The following RASEF variants were observed in gnomAD, a reference collection of about 807,000 sequenced individuals.
RASEF encodes ras and EF-hand domain-containing protein.
In RASEF, 68 loss-of-function variants were observed where a neutral mutation model predicts 90.1. The observed-to-expected ratio is 0.75, with a 90% CI of 0.62 to 0.92. The LOEUF is 0.92. Among genes scored for constraint, RASEF ranks in the 40% least tolerant of loss-of-function variants. RASEF has a pLI of 0.00. For synonymous variants in RASEF, 331 were observed against 345.2 expected, an observed-to-expected ratio of 0.96 and a Z score of 0.46; for missense variants, 949 against 937.2, an observed-to-expected ratio of 1.01 and a Z score of -0.16.
intron 1 of RASEF, among the ~76,000 whole-genome samples, chr9:83,040,710 G>C (rs1829823610): frequency 6.6e-6 from 1 of 152,124 alleles, no homozygotes; most frequent in Non-Finnish European, 1.5e-5. Context: ...ATTTAATTCT[G>C]AATTATTATT....
chr9:83,139,803 C>T, the RASEF span, among the ~76,000 whole-genome samples: 6 of 152,148 alleles, frequency 3.9e-5, no homozygotes, highest in African/African-American at 1.4e-4. Context: ...AACAACTTCT[C>T]TCTGAATATG....
In RASEF at chr9:83,001,141, A is replaced by AGG. The variant is rs1829031723; in HGVS notation, c.1203-13_1203-12dup. ...GAAGAGCGGGATGACCTGGTAATAA[A>AGG]GGGGAAGACCAATTTACCTGAGGGC... On this transcript the variant is annotated splice_polypyrimidine_tract_variant and intron_variant, in intron 9 of 16. Coordinates refer to ENST00000376447, the MANE Select transcript of RASEF (RefSeq NM_152573.4). 1.3e-6 allele frequency: 2 copies of AGG among 1,595,738 alleles called. No individual in the cohort carries two copies. The highest frequency in any genetic ancestry group is 1.7e-6 in the Non-Finnish European group (2 of 1,164,162).
intron 2 of RASEF, among the ~76,000 whole-genome samples, chr9:83,023,068 T>A (rs867448395): frequency 6.6e-6 from 1 of 152,152 alleles, no homozygotes; most frequent in South Asian, 2.1e-4. Flanking sequence ...TTCTGAATTT[T>A]TTTTTGCTCT....
At chr9:83,122,125 G>A in the RASEF span, among the ~76,000 whole-genome samples, 1 of 152,184 alleles carries the variant, frequency 6.6e-6, no homozygotes, top group Non-Finnish European at 1.5e-5. Flanking sequence ...GAGGTGCCTT[G>A]TGGCTCCTTG....
intron 2 of RASEF, among the ~76,000 whole-genome samples, chr9:83,024,371 T>A (rs1829500767): frequency 1.3e-5 from 2 of 152,190 alleles, no homozygotes; most frequent in Non-Finnish European, 1.5e-5. Flanking sequence ...TATCTTTAGA[T>A]GGGGGGCATG....
the RASEF span, among the ~76,000 whole-genome samples, chr9:83,202,934 AC>A: frequency 6.6e-6 from 1 of 152,226 alleles, no homozygotes; most frequent in African/African-American, 2.4e-5. Context: ...TATAATTTTT[AC>A]TTGTCAATTA....
the RASEF span, among the ~76,000 whole-genome samples, chr9:83,114,849 A>G: frequency 6.6e-6 from 1 of 152,176 alleles, no homozygotes; most frequent in African/African-American, 2.4e-5. Context: ...TTTAAATTTC[A>G]CCACGGTCCT....
At chr9:83,154,706 C>T in the RASEF span, among the ~76,000 whole-genome samples, 5 of 152,184 alleles carry the variant, frequency 3.3e-5, no homozygotes, top group East Asian at 9.6e-4. Flanking sequence ...GCTCACAATC[C>T]AATTTTTCTA....
At chr9:83,195,710 C>A in the RASEF span, among the ~76,000 whole-genome samples, 1 of 151,922 alleles carries the variant, frequency 6.6e-6, no homozygotes, top group Non-Finnish European at 1.5e-5. Context: ...TATAAAGAGG[C>A]AGGGCAGGTT....
chr9:83,018,652 G>A (rs1318269797), intron 3 of RASEF, among the ~76,000 whole-genome samples: 1 of 148,940 alleles, frequency 6.7e-6, no homozygotes, highest in African/African-American at 2.5e-5. Flanking sequence ...AAAGCACAAA[G>A]TTGAAGAAGA....
In RASEF at chr9:83,022,343, C is replaced by T. The variant is rs760664703; in HGVS notation, c.662G>A (p.Arg221Gln). ...GCCAACCCAGAAACTCACGTCTTTC[C>T]GTGTCTTATGTTCTGCAGCCTGAAT... is the stretch of plus-strand genomic sequence containing the variant. ...QRIQAAEHKT[R>Q]KDEKRKAEEA... Residue 221 changes from arginine (R) to glutamine (Q), a missense_variant, in exon 3 of 17, where the codon CGG (arginine) becomes CAG (glutamine). Physicochemically the swap from Arg to Gln is conservative, Grantham distance 43. Around this residue, in one of 3 missense-constraint regions of RASEF, gnomAD observed 656 missense variants for 592.2 expected, o/e 1.11. Coordinates refer to ENST00000376447, the MANE Select transcript of RASEF (RefSeq NM_152573.4). 22 of 1,613,218 alleles carry T rather than the reference C, an allele frequency of 1.4e-5. No homozygotes were observed. Among genetic ancestry groups the T allele is most frequent in the Non-Finnish European group, 1.8e-5 (21 of 1,179,448 alleles).
At chr9:83,186,947 G>A in the RASEF span, among the ~76,000 whole-genome samples, 1 of 151,972 alleles carries the variant, frequency 6.6e-6, no homozygotes, top group Non-Finnish European at 1.5e-5. Context: ...GCATGCCCAC[G>A]ATCTGCAAAC....
rs781377016 is a variant in RASEF, at chr9:82,985,379, G to A, written c.2118-2597C>T. Among the ~76,000 whole-genome samples the A allele has an allele frequency of 7.2e-5, 11 of 152,164 alleles. 1 individual carries two copies. Among genetic ancestry groups the A allele is most frequent in the Non-Finnish European group, 1.2e-4 (8 of 68,030 alleles). On this transcript the variant is annotated intron_variant, in intron 16 of 16. Coordinates refer to ENST00000376447, the MANE Select transcript of RASEF (RefSeq NM_152573.4). ...CTTATTCACTATCACGAGAATAGCA[G>A]AGGAAAGATCGGCCCCCATGACTCA...
chr9:82,983,318 T>C (rs1204609306), intron 16 of RASEF, among the ~76,000 whole-genome samples: 1 of 152,180 alleles, frequency 6.6e-6, no homozygotes, highest in Non-Finnish European at 1.5e-5. Flanking sequence ...TAATTATACA[T>C]GATCATGGAG....
At chr9:83,092,158 G>A in the RASEF span, among the ~76,000 whole-genome samples, 1 of 151,334 alleles carries the variant, frequency 6.6e-6, no homozygotes, top group African/African-American at 2.4e-5. Flanking sequence ...ATTTTTGAAG[G>A]TCCTTACTCT....
the RASEF span, among the ~76,000 whole-genome samples, chr9:83,212,186 A>G: frequency 0.079 from 12,103 of 152,274 alleles, 1,281 homozygotes; most frequent in African/African-American, 0.25. Context: ...CTTTGAAAAC[A>G]GAAGACAGAT....
the RASEF span, among the ~76,000 whole-genome samples, chr9:83,161,548 G>A: frequency 1.3e-5 from 2 of 152,006 alleles, no homozygotes; most frequent in African/African-American, 4.8e-5. Context: ...TAGGTGGAAG[G>A]GACTTTCCTT....
the RASEF span, among the ~76,000 whole-genome samples, chr9:83,164,347 G>GTGTGTCTATATATA: frequency 1.5e-5 from 2 of 129,988 alleles, no homozygotes; most frequent in Non-Finnish European, 3.3e-5. Context: ...GTATATGTGT[G>GTGTGTCTATATATA]TATATATATA....
rs1054205882 is a variant in RASEF, at chr9:82,980,621, T to C, written c.*2056A>G. 12 of 152,262 alleles carry C rather than the reference T, an allele frequency of 7.9e-5. No individual in the cohort carries two copies. Among genetic ancestry groups the C allele is most frequent in the African/African-American group, 2.9e-4 (12 of 41,568 alleles). 9.4% of individuals were successfully genotyped at this position (152,262 alleles called of 1,614,324 possible). A position where few individuals can be genotyped will look rare whatever the true frequency, so the allele number is the denominator to read the frequency against. ...TAAATAAAGGCAACACAGTAACATA[T>C]AAACTAACACAGTTTTGTGCAACTG... On this transcript the variant is annotated 3_prime_UTR_variant, in exon 17 of 17. Coordinates refer to ENST00000376447, the MANE Select transcript of RASEF (RefSeq NM_152573.4).
Sources: allele counts gnomAD v4.1 joint callset (sites outside exome capture counted in the v4.1 genomes callset), GRCh38; gene constraint gnomAD v4.1.1; regional missense constraint gnomAD v4.1.1; transcripts MANE v1.5; gene names NCBI Gene and HGNC (gene_info 2026-07-23, HGNC 2026-07-21).